Variants in MMP26 observed in about 807,000 individuals in gnomAD.
MMP26 encodes matrix metallopeptidase 26, also known as matrix metalloproteinase-26.
MMP26 carries 33 observed loss-of-function variants against 31.0 expected under a neutral mutation model. The ratio of observed to expected loss-of-function variants is 1.06; its 90% CI spans 0.81 to 1.42. The LOEUF is 1.42. MMP26 is among the 40% of genes most tolerant of loss of function. The pLI is 0.00. For synonymous variants in MMP26, 122 were observed against 114.9 expected (o/e 1.06, Z -0.40); for missense variants, 347 against 316.1 (o/e 1.10, Z -0.74).
At position 4,749,834 on chromosome 11, in the gene MMP26, A is replaced by T. The variant is rs139506482; in HGVS notation, c.-216-17436A>T. Among the ~76,000 whole-genome samples the T allele has an allele frequency of 3.0e-3, 455 of 152,278 alleles. 1 individual carries two copies. The highest frequency in any genetic ancestry group is 9.6e-3 in the African/African-American group (401 of 41,584). ...CCTGAATTTATAAAAACACTAGAAG[A>T]AAAGCTAGGAAAAACTTTTATGGAC... On this transcript the variant is annotated intron_variant, in intron 1 of 7. Coordinates refer to ENST00000380390, the MANE Select transcript of MMP26 (RefSeq NM_021801.5).
In MMP26 at chr11:4,817,058, C is replaced by T. The variant is rs569456101; in HGVS notation, c.-145+49717C>T. On this transcript the variant is annotated intron_variant, in intron 2 of 7. Transcript: ENST00000380390. ...TCTAATCATACCATATATTCTGTATCCCGTGTTGAATAATTATTTAATTAT... is the reference window on the plus strand; with the variant it reads ...TCTAATCATACCATATATTCTGTATTCCGTGTTGAATAATTATTTAATTAT... 1.4e-4 allele frequency among the ~76,000 whole-genome samples: 21 copies of T among 151,734 alleles called. No homozygotes were observed. In the East Asian group the frequency reaches 3.9e-3, roughly 28 times the overall value.
chr11:4,900,372 C>A (rs902023689), intron 2 of MMP26, among the ~76,000 whole-genome samples: 5 of 152,196 alleles, frequency 3.3e-5, no homozygotes, highest in African/African-American at 1.2e-4. Flanking sequence ...GTAGAATAAT[C>A]TTCCATTAAG....
rs771102939 is a variant in MMP26, at chr11:4,902,275, T to C, written c.-144-85793T>C. On this transcript the variant is annotated intron_variant, in intron 2 of 7. Transcript: ENST00000380390. ...CATCTGCAACCAGTGATGTGGTTCC[T>C]ATTGTGATGCAGACAGTGATGAATC... 6.0e-5 allele frequency among the ~76,000 whole-genome samples: 9 copies of C among 149,902 alleles called. No homozygotes were observed. In the East Asian group the frequency reaches 1.2e-3, roughly 19 times the overall value.
intron 2 of MMP26, chr11:4,944,581 A>G (rs906064253): frequency 6.6e-6 from 1 of 152,226 alleles, no homozygotes; most frequent in Non-Finnish European, 1.5e-5. Context: ...GTGTTTCTTG[A>G]TTCACCTGAG....
At position 4,951,001 on chromosome 11, in the gene MMP26, C is replaced by G. The variant is rs373148607; in HGVS notation, c.-144-37067C>G. On this transcript the variant is annotated intron_variant, in intron 2 of 7. Coordinates refer to ENST00000380390, the MANE Select transcript of MMP26 (RefSeq NM_021801.5). ...CTTCTATAGGTACATAAATACCTAC[C>G]CTATGACTTAAAATATCATTTCTAA... Among the ~76,000 whole-genome samples, 3 of 123,354 alleles carry G rather than the reference C, an allele frequency of 2.4e-5. 1 individual carries two copies. The highest frequency in any genetic ancestry group is 5.5e-5 in the Non-Finnish European group (3 of 54,366). 80.9% of individuals were successfully genotyped at this position (123,354 alleles called of 152,430 possible). A position where few individuals can be genotyped will look rare whatever the true frequency, so the allele number is the denominator to read the frequency against.
chr11:4,716,692 G>A (rs569148085), intron 1 of MMP26, among the ~76,000 whole-genome samples: 15 of 74,898 alleles, frequency 2.0e-4, no homozygotes, highest in Non-Finnish European at 3.4e-4. Flanking sequence ...ATGGAGTTTC[G>A]CTCTTGTTGC....
At chr11:4,803,321 C>T (rs1849208787) in intron 2 of MMP26, 1 of 766,060 alleles carries the variant, frequency 1.3e-6, no homozygotes, top group Non-Finnish European at 2.1e-6. Flanking sequence ...ACCTCTGAGC[C>T]AGTTATTTAC....
chr11:4,718,780 C>G (rs540551942), intron 1 of MMP26: 1 of 158,428 alleles, frequency 6.3e-6, no homozygotes, highest in South Asian at 1.9e-4. Context: ...TCAGCCCAGC[C>G]TCCACGAACC....
intron 2 of MMP26, among the ~76,000 whole-genome samples, chr11:4,971,653 G>A (rs1846667650): frequency 6.6e-6 from 1 of 152,108 alleles, no homozygotes; most frequent in South Asian, 2.1e-4. Flanking sequence ...GGCTTAGTCT[G>A]TTTTGTGTTG....
At chr11:4,849,772 A>G (rs887957498) in intron 2 of MMP26, among the ~76,000 whole-genome samples, 15 of 152,216 alleles carry the variant, frequency 9.9e-5, no homozygotes, top group East Asian at 9.7e-4. Flanking sequence ...CTTTTTTAAA[A>G]ATTCTCCCTT....
intron 2 of MMP26, among the ~76,000 whole-genome samples, chr11:4,777,464 G>A (rs1233895576): frequency 8.5e-5 from 13 of 152,110 alleles, no homozygotes; most frequent in Non-Finnish European, 1.5e-5. Context: ...ATATTTGTAA[G>A]TAATTCTTTT....
rs1282512103 is a variant in MMP26, at chr11:4,934,143, C to T, written c.-144-53925C>T. Among the ~76,000 whole-genome samples the T allele has an allele frequency of 8.4e-3, 1,086 of 129,090 alleles. 16 individuals carry two copies. Among genetic ancestry groups the T allele is most frequent in the African/African-American group, 0.031 (1,035 of 33,796 alleles). The allele number at this position is 129,090 out of a possible 152,430, so 84.7% of individuals were successfully genotyped here. ...TTCTAGTTCTAGATCCCTGAGGAAT[C>T]GCCACACTGACTTCCACAATGGTTG... On this transcript the variant is annotated intron_variant, in intron 2 of 7. Transcript: ENST00000380390.
intron 2 of MMP26, among the ~76,000 whole-genome samples, chr11:4,802,121 G>A (rs1261305111): frequency 2.6e-5 from 4 of 152,150 alleles, no homozygotes; most frequent in Admixed American, 6.5e-5. Context: ...ATTTTCATTG[G>A]TTCAGAATAT....
At chr11:4,783,110 G>A (rs548205816) in intron 2 of MMP26, among the ~76,000 whole-genome samples, 5 of 152,288 alleles carry the variant, frequency 3.3e-5, no homozygotes, top group African/African-American at 7.2e-5. Context: ...AGAGGGACAC[G>A]ATCCTCCAGA....
chr11:4,743,353 T>C (rs1848339015), intron 1 of MMP26, among the ~76,000 whole-genome samples: 1 of 152,200 alleles, frequency 6.6e-6, no homozygotes, highest in Non-Finnish European at 1.5e-5. Context: ...ATTATTTCCT[T>C]ATGTGCTAAA....
At chr11:4,776,806 C>T (rs181514494) in intron 2 of MMP26, among the ~76,000 whole-genome samples, 46 of 152,200 alleles carry the variant, frequency 3.0e-4, no homozygotes, top group East Asian at 1.4e-3. Context: ...GTAAGTTTCC[C>T]GAGTCTTCCC....
intron 2 of MMP26, among the ~76,000 whole-genome samples, chr11:4,880,597 C>A (rs1294041465): frequency 1.3e-5 from 2 of 152,050 alleles, no homozygotes; most frequent in Non-Finnish European, 2.9e-5. Context: ...TTTTCCTGAT[C>A]CTGCTTTAGT....
chr11:4,731,128 G>C (rs1848168229), intron 1 of MMP26, among the ~76,000 whole-genome samples: 1 of 152,058 alleles, frequency 6.6e-6, no homozygotes, highest in African/African-American at 2.4e-5. Flanking sequence ...ATGTTTAGTA[G>C]AGATGAGGTT....
chr11:4,941,783 TC>T (rs1490007507), intron 2 of MMP26, among the ~76,000 whole-genome samples: 1 of 48,888 alleles, frequency 2.0e-5, no homozygotes, highest in African/African-American at 6.3e-5. Context: ...TGCTGCAGGT[TC>T]TTTTTTTTAA....
Sources: gnomAD v4.1 joint callset for allele counts (sites outside exome capture counted in the v4.1 genomes callset) on GRCh38, gnomAD v4.1.1 for gene constraint, MANE v1.5 for transcripts, NCBI Gene and HGNC (gene_info 2026-07-23, HGNC 2026-07-21) for gene names.